The following GIPR variants were observed in gnomAD, a reference collection of about 807,000 sequenced individuals.
GIPR encodes GIP-R.
Under a neutral mutation model 62.2 loss-of-function variants are expected in GIPR, and 74 were observed. The observed-to-expected ratio is 1.19, with a 90% CI of 0.99 to 1.44. GIPR has a LOEUF of 1.44. Ranked by LOEUF, GIPR falls within the 40% of genes most tolerant of loss-of-function variation. The pLI is 0.00. For synonymous variants in GIPR, 256 were observed against 262.2 expected (o/e 0.98, Z 0.23); for missense variants, 664 against 611.8 (o/e 1.09, Z -0.90).
Position 45,677,044 on chromosome 19 carries a change from T to C in GIPR, c.729T>C (p.Ser243=), listed in dbSNP as rs776087069. 5 of 1,613,608 alleles carry C rather than the reference T, an allele frequency of 3.1e-6. No homozygotes were observed. The African/African-American group carries it at 6.7e-5, about 22-fold the overall frequency. ...TGGTGGAGGGCGTCTACCTGCACAG[T>C]CTCCTGGTGCTCGTGGGAGGCTCCG... ...WLLVEGVYLH[S]LLVLVGGSEE... The change falls in exon 8 of 14, where the codon AGT becomes AGC. Residue 243 remains serine (S), a synonymous_variant. Transcript: ENST00000590918.
rs200979166 is a variant in GIPR, at chr19:45,669,557, C to T, written c.37C>T (p.Leu13Phe). The T allele has an allele frequency of 1.3e-4, 212 of 1,582,412 alleles. No individual in the cohort carries two copies. Among genetic ancestry groups the T allele is most frequent in the Non-Finnish European group, 1.3e-4 (153 of 1,167,098 alleles). Reference protein sequence around the residue: ...TSPILQLLLRLSLCGLLLQRA... With the variant: ...TSPILQLLLRFSLCGLLLQRA... ...TCCGATCCTGCAGCTGCTGCTGCGG[C>T]TCTCACTGTGCGGGCTGCTGCTCCA... The change falls in exon 2 of 14, where the codon CTC becomes TTC. Residue 13 changes from leucine to phenylalanine, a missense_variant. Physicochemically the swap from Leu to Phe is conservative, Grantham distance 22. Transcript: ENST00000590918.
intron 12 of GIPR, 127 bp downstream of exon 12, chr19:45,678,353 C>A: frequency 3.9e-6 from 4 of 1,034,414 alleles, no homozygotes; most frequent in South Asian, 1.4e-5. Context: ...TTAGTTCGTT[C>A]ATTAATTAAT....
At chr19:45,674,892 C>A in intron 7 of GIPR, 66 bp downstream of exon 7, 1 of 1,470,804 alleles carries the variant, frequency 6.8e-7, no homozygotes, top group Non-Finnish European at 9.5e-7. Flanking sequence ...AGGAAGTTCT[C>A]AGTCCATTTC....
chr19:45,677,707 C>T lies in GIPR; in HGVS notation c.855-3C>T, dbSNP rs1967023723. On this transcript the variant is annotated splice_polypyrimidine_tract_variant and splice_region_variant and intron_variant, in intron 9 of 13. Coordinates refer to ENST00000590918, the MANE Select transcript of GIPR (RefSeq NM_000164.4). ...TCTCTTAGCTCTACTCCGCCTTCCCCAGGTGCTGGGAGCGCAACGAAGTCA... is the reference window on the plus strand; with the variant it reads ...TCTCTTAGCTCTACTCCGCCTTCCCTAGGTGCTGGGAGCGCAACGAAGTCA... The T allele has an allele frequency of 1.9e-6, 3 of 1,611,034 alleles. No homozygotes were observed. Among genetic ancestry groups the T allele is most frequent in the Non-Finnish European group, 1.7e-6 (2 of 1,177,222 alleles).
At chr19:45,676,788 T>C (rs1046798466) in intron 7 of GIPR, among the ~76,000 whole-genome samples, 161 bp from the exon 8 acceptor site, 26 of 151,914 alleles carry the variant, frequency 1.7e-4, no homozygotes, top group Non-Finnish European at 2.9e-5. Flanking sequence ...GGAAAGGGAA[T>C]AGGGTGAGAG....
At chr19:45,678,369 C>CT (rs111894186) in intron 12 of GIPR, 143 bp downstream of exon 12, 34,914 of 736,596 alleles carry the variant, frequency 0.047, 2 homozygotes, top group East Asian at 0.058. Context: ...TTAATTCATT[C>CT]TTTTTTTTTT....
In GIPR at chr19:45,681,805, C is replaced by G; in HGVS notation, c.1271C>G (p.Pro424Arg). The G allele has an allele frequency of 6.4e-7, 1 of 1,572,964 alleles. No homozygotes were observed. The highest frequency in any genetic ancestry group is 8.6e-7 in the Non-Finnish European group (1 of 1,159,022). Residue 424 changes from proline to arginine, a missense_variant, in exon 14 of 14, where the codon CCG (proline) becomes CGG (arginine). By Grantham distance (103) the Pro-to-Arg change is moderately radical (BLOSUM62 -2). Coordinates refer to ENST00000590918, the MANE Select transcript of GIPR (RefSeq NM_000164.4). Reference protein sequence around the residue: ...RSLGEEQRQLPERAFRALPSG... With the variant: ...RSLGEEQRQLRERAFRALPSG... The stretch of plus-strand genomic sequence containing the variant: ...CTGGGCGAGGAGCAACGCCAGCTCC[C>G]GGAGCGCGCCTTCCGGGCCCTGCCC...
chr19:45,674,489 C>G lies in GIPR; in HGVS notation c.489-193C>G, dbSNP rs1975724773. 7.8e-6 allele frequency: 5 copies of G among 644,220 alleles called. No homozygotes were observed. In the Admixed American group the frequency reaches 1.2e-4, roughly 15 times the overall value. 39.9% of individuals were successfully genotyped at this position (644,220 alleles called of 1,614,324 possible). A position where few individuals can be genotyped will look rare whatever the true frequency, so the allele number is the denominator to read the frequency against. ...GCATACTGGTGGTGCACCTGTGGTACCAGCTATAGGGGGGCGCTGAGACAG... is the reference window on the plus strand; with the variant it reads ...GCATACTGGTGGTGCACCTGTGGTAGCAGCTATAGGGGGGCGCTGAGACAG... On this transcript the variant is annotated intron_variant, in intron 6 of 13. Transcript: ENST00000590918.
intron 12 of GIPR, 36 bp from the exon 13 acceptor site, chr19:45,681,568 C>G: frequency 6.2e-7 from 1 of 1,600,090 alleles, no homozygotes; most frequent in Non-Finnish European, 8.6e-7. Flanking sequence ...GTCCTGCCCC[C>G]ACCAGCGATG....
chr19:45,675,227 G>A (rs1309277460), intron 7 of GIPR, among the ~76,000 whole-genome samples: 1 of 152,072 alleles, frequency 6.6e-6, no homozygotes, highest in Non-Finnish European at 1.5e-5. Context: ...ACTAGAGTCT[G>A]GGAGCAGACG....
Position 45,678,151 on chromosome 19 carries a change from C to T in GIPR, c.1077C>T (p.Pro359=). The change falls in exon 12 of 14, where the codon CCC becomes CCT. Residue 359 remains proline (P), a synonymous_variant. Coordinates refer to ENST00000590918, the MANE Select transcript of GIPR (RefSeq NM_000164.4). ...GTGTCCACGAGGTGGTGTTTGCTCCCGTGACAGAGGAACAGGCCCGGGGCG... is the reference window on the plus strand; with the variant it reads ...GTGTCCACGAGGTGGTGTTTGCTCCTGTGACAGAGGAACAGGCCCGGGGCG... ...LLGVHEVVFA[P]VTEEQARGAL... The T allele has an allele frequency of 6.2e-7, 1 of 1,610,364 alleles. No homozygotes were observed. Among genetic ancestry groups the T allele is most frequent in the Non-Finnish European group, 8.5e-7 (1 of 1,178,896 alleles).
chr19:45,671,541 C>G (rs1975541104), intron 4 of GIPR, 149 bp downstream of exon 4: 3 of 670,742 alleles, frequency 4.5e-6, no homozygotes, highest in Non-Finnish European at 8.2e-6. Context: ...GGCTGGGTTT[C>G]TCCTGTCTGT....
chr19:45,674,632 C>G (rs778445167), intron 6 of GIPR, 50 bp from the exon 7 acceptor site: 1 of 1,579,932 alleles, frequency 6.3e-7, no homozygotes, highest in South Asian at 1.1e-5. Context: ...CTCTGTGTGG[C>G]TGAGGACAGC....
chr19:45,674,139 C>A lies in GIPR; in HGVS notation c.450C>A (p.Ala150=), dbSNP rs769410485. The A allele has an allele frequency of 6.2e-7, 1 of 1,613,586 alleles. No homozygotes were observed. The highest frequency in any genetic ancestry group is 8.5e-7 in the Non-Finnish European group (1 of 1,179,560). The change falls in exon 6 of 14, where the codon GCC becomes GCA. Residue 150 remains alanine (A), a synonymous_variant. Transcript: ENST00000590918. ...MYTVGYSLSL[A]TLLLALLILS... is the part of the protein sequence containing the mutation. ...CTGTCGGCTACTCCCTGTCTCTCGC[C>A]ACACTGCTGCTAGCCCTGCTCATCT...
rs1405568033 is a variant in GIPR at position 45,677,968 on chromosome 19, A to C, written c.987A>C (p.Gln329His). The C allele has an allele frequency of 1.2e-6, 2 of 1,613,824 alleles. No homozygotes were observed. Among genetic ancestry groups the C allele is most frequent in the African/African-American group, 2.7e-5 (2 of 74,896 alleles). The part of the protein sequence containing the change: ...GILLSKLRTR[Q>H]MRCRDYRLRL... ...TCCTGTCCAAGCTGAGGACACGGCA[A>C]ATGCGCTGCCGGGATTACCGGCTGA... Residue 329 changes from glutamine (Q) to histidine (H), a missense_variant, in exon 11 of 14, where the codon CAA becomes CAC. By Grantham distance (24) the Gln-to-His change is conservative. Transcript: ENST00000590918.
rs1237195910 is a variant in GIPR at position 45,671,287 on chromosome 19, C to T, written c.175C>T (p.Leu59Phe). 1.2e-6 allele frequency: 2 copies of T among 1,607,056 alleles called. No individual in the cohort carries two copies. Among genetic ancestry groups the T allele is most frequent in the East Asian group, 2.2e-5 (1 of 44,858 alleles). The change falls in exon 4 of 14, where the codon CTC becomes TTC. Residue 59 changes from leucine (L) to phenylalanine (F), a missense_variant and splice_region_variant. Transcript: ENST00000590918. ...CTGGCCCCCGTGCCCACCCCCAGGC[C>T]TCGCCTGTAACGGGTCCTTCGATAT... ...TLAAAEPPSG[L>F]ACNGSFDMYV... is the part of the protein sequence containing the mutation.
chr19:45,674,519 A>T, intron 6 of GIPR, 163 bp from the exon 7 acceptor site: 1 of 686,444 alleles, frequency 1.5e-6, no homozygotes, highest in Non-Finnish European at 2.6e-6. Context: ...AGACAGGAGG[A>T]TTGCTTGAGC....
rs780295269 is a variant in GIPR at position 45,678,089 on chromosome 19, C to G, written c.1015C>G (p.Leu339Val). The G allele has an allele frequency of 6.2e-7, 1 of 1,612,392 alleles. No homozygotes were observed. The highest frequency in any genetic ancestry group is 1.3e-5 in the African/African-American group (1 of 74,942). Residue 339 changes from leucine to valine, a missense_variant and splice_region_variant, in exon 12 of 14, where the codon CTG becomes GTG. Physicochemically the swap from Leu to Val is conservative, Grantham distance 32. Transcript: ENST00000590918. The stretch of plus-strand genomic sequence containing the variant: ...ACTGCTGCCGCCCTCTCTCCCCAGG[C>G]TGGCTCGCTCCACGCTGACGCTGGT... The part of the protein sequence containing the change: ...QMRCRDYRLR[L>V]ARSTLTLVPL...
intron 5 of GIPR, among the ~76,000 whole-genome samples, chr19:45,673,176 T>C (rs1370293835): frequency 6.6e-6 from 1 of 152,122 alleles, no homozygotes; most frequent in Non-Finnish European, 1.5e-5. Flanking sequence ...TCCCAGCACT[T>C]TGGGAGGCCA....
Sources: gnomAD v4.1 joint callset for allele counts (sites outside exome capture counted in the v4.1 genomes callset) on GRCh38, gnomAD v4.1.1 for gene constraint, MANE v1.5 for transcripts, NCBI Gene and HGNC (gene_info 2026-07-23, HGNC 2026-07-21) for gene names.